The following ESCO2 variants were observed in gnomAD, a reference collection of about 807,000 sequenced individuals.
The protein encoded by ESCO2 is N-acetyltransferase ESCO2.
A neutral mutation model predicts 61.7 loss-of-function variants in ESCO2; 51 were observed. The ratio of observed to expected loss-of-function variants is 0.83; its 90% CI spans 0.66 to 1.04. The LOEUF is 1.04. ESCO2 is among the 50% of genes least tolerant of loss of function. The pLI is 0.00. For synonymous variants in ESCO2, 230 were observed against 238.2 expected (o/e 0.97, Z 0.32); for missense variants, 692 against 686.2 (o/e 1.01, Z -0.09).
intron 4 of ESCO2, among the ~76,000 whole-genome samples, chr8:27,783,495 A>C (rs1401954061): frequency 1.3e-5 from 2 of 152,130 alleles, no homozygotes; most frequent in Admixed American, 1.3e-4. Flanking sequence ...TTTTTTATAA[A>C]TATATTATGC....
chr8:27,802,630 A>AATATATAT (rs1222665973), intron 10 of ESCO2, among the ~76,000 whole-genome samples: 2 of 45,822 alleles, frequency 4.4e-5, no homozygotes, highest in East Asian at 2.1e-3. Context: ...AAAAAAAAAA[A>AATATATAT]ATATATATAT....
At chr8:27,802,607 CA>C (rs1188348304) in intron 10 of ESCO2, among the ~76,000 whole-genome samples, 53 of 29,088 alleles carry the variant, frequency 1.8e-3, no homozygotes, top group Non-Finnish European at 3.1e-3. Flanking sequence ...GACTCTGTCT[CA>C]AAAAAAAAAA....
At chr8:27,780,947 AT>A (rs1405547904) in intron 4 of ESCO2, among the ~76,000 whole-genome samples, 1 of 152,206 alleles carries the variant, frequency 6.6e-6, no homozygotes, top group Non-Finnish European at 1.5e-5. Flanking sequence ...AGTATACGTT[AT>A]GTTTTTCATA....
At chr8:27,789,183 G>A (rs1315051489) in intron 7 of ESCO2, among the ~76,000 whole-genome samples, 1 of 152,130 alleles carries the variant, frequency 6.6e-6, no homozygotes, top group Admixed American at 6.5e-5. Flanking sequence ...TTCAGAGACT[G>A]CAGAGATACT....
At chr8:27,797,566 T>G (rs183969152) in intron 9 of ESCO2, among the ~76,000 whole-genome samples, 5 of 152,222 alleles carry the variant, frequency 3.3e-5, no homozygotes, top group African/African-American at 1.2e-4. Context: ...AAGTAATTAT[T>G]GATAAATAAG....
downstream of ESCO2, among the ~76,000 whole-genome samples, chr8:27,806,452 C>T (rs940540387): frequency 1.1e-4 from 16 of 151,964 alleles, no homozygotes; most frequent in African/African-American, 2.9e-4. Context: ...TTTTTTTCTT[C>T]GGTCTATTAT....
Position 27,800,760 on chromosome 8 carries a change from C to G in ESCO2, c.1673+1044C>G, listed in dbSNP as rs185737167. ...ACAATAATAACAATGGGATGTTATT[C>G]AGCCATAAAGGAAATTCTGGCACAC... On this transcript the variant is annotated intron_variant, in intron 10 of 10. Transcript: ENST00000305188. Among the ~76,000 whole-genome samples the G allele has an allele frequency of 2.1e-3, 320 of 152,300 alleles. 6 individuals carry two copies. Among genetic ancestry groups the G allele is most frequent in the Admixed American group, 0.019 (288 of 15,298 alleles).
chr8:27,806,003 A>G (rs1261533901), downstream of ESCO2, among the ~76,000 whole-genome samples: 2 of 152,162 alleles, frequency 1.3e-5, no homozygotes, highest in African/African-American at 4.8e-5. Flanking sequence ...CATTCTAGGG[A>G]TAGGGCAATG....
At position 27,780,278 on chromosome 8, in the gene ESCO2, A is replaced by C; in HGVS notation, c.955+11A>C. On this transcript the variant is annotated intron_variant, in intron 4 of 10. Transcript: ENST00000305188. ...GTGAGAATAAGACAAGTAAGAGAAA[A>C]CTCGCATGAATTTAGCTGCTTAAAA... 2 of 1,520,016 alleles carry C rather than the reference A, an allele frequency of 1.3e-6. No homozygotes were observed. The highest frequency in any genetic ancestry group is 1.8e-6 in the Non-Finnish European group (2 of 1,094,784). The allele number at this position is 1,520,016 out of a possible 1,614,324, so 94.2% of individuals were successfully genotyped here.
chr8:27,806,566 A>G (rs1395412204), downstream of ESCO2, among the ~76,000 whole-genome samples: 4 of 152,006 alleles, frequency 2.6e-5, no homozygotes, highest in African/African-American at 9.7e-5. Flanking sequence ...TGTCAGATCT[A>G]TAGATCAATT....
Position 27,777,069 on chromosome 8 carries a change from CT to C in ESCO2, c.765del (p.Phe255LeufsTer12). The C allele has an allele frequency of 6.2e-7, 1 of 1,605,580 alleles. No individual in the cohort carries two copies. The highest frequency in any genetic ancestry group is 8.5e-7 in the Non-Finnish European group (1 of 1,178,078). ...GTAGAGACTGTCAGTGAAAAAAAAACTTTTGCGACAAGGCAAGTGCCAAAGT... is the reference window on the plus strand; with the variant it reads ...GTAGAGACTGTCAGTGAAAAAAAAACTTTGCGACAAGGCAAGTGCCAAAGT... ...SDVETVSEKK[T>X]FATRQVPKCL... is the part of the protein sequence containing the mutation. On this transcript the variant is annotated frameshift_variant, in exon 3 of 11. Transcript: ENST00000305188. LOFTEE classifies it high-confidence loss of function.
Position 27,805,264 on chromosome 8 carries a change from G to C in ESCO2, c.*1826G>C, listed in dbSNP as rs1805538133. On this transcript the variant is annotated 3_prime_UTR_variant, in exon 11 of 11. Transcript: ENST00000305188. ...CCACTGCAGTCCGCAGTCCGGCCTGGGCGACAGAGCGAGACTCCGTCTCAA... is the reference window on the plus strand; with the variant it reads ...CCACTGCAGTCCGCAGTCCGGCCTGCGCGACAGAGCGAGACTCCGTCTCAA... 1 of 82,948 alleles carries C rather than the reference G, an allele frequency of 1.2e-5. No homozygotes were observed. The highest frequency in any genetic ancestry group is 0.011 in the Middle Eastern group (1 of 92). The allele number at this position is 82,948 out of a possible 1,614,324, so 5.1% of individuals were successfully genotyped here. A position where few individuals can be genotyped will look rare whatever the true frequency, so the allele number is the denominator to read the frequency against.
chr8:27,783,682 C>G (rs1023473594), intron 4 of ESCO2, among the ~76,000 whole-genome samples: 1 of 152,136 alleles, frequency 6.6e-6, no homozygotes, highest in African/African-American at 2.4e-5. Flanking sequence ...TTAGGCGATC[C>G]TCCCACTTTT....
At chr8:27,772,617 G>A (rs868528431), upstream of ESCO2, 8 of 1,460,964 alleles carry the variant, frequency 5.5e-6, no homozygotes, top group South Asian at 4.9e-5. Context: ...CCAGACTCGC[G>A]GCGGCCGCCT....
At chr8:27,799,411 A>G in intron 9 of ESCO2, 130 bp from the exon 10 acceptor site, 1 of 986,236 alleles carries the variant, frequency 1.0e-6, no homozygotes, top group Non-Finnish European at 1.6e-6. Context: ...AATTTAAGAA[A>G]TAGAAAATAT....
chr8:27,805,041 G>A lies in ESCO2; in HGVS notation c.*1603G>A. 1.6e-5 allele frequency: 2 copies of A among 121,608 alleles called. 1 individual carries two copies. The highest frequency in any genetic ancestry group is 9.7e-4 in the East Asian group (2 of 2,060). 7.5% of individuals were successfully genotyped at this position (121,608 alleles called of 1,614,324 possible). A position where few individuals can be genotyped will look rare whatever the true frequency, so the allele number is the denominator to read the frequency against. On this transcript the variant is annotated 3_prime_UTR_variant, in exon 11 of 11. Transcript: ENST00000305188. ...CTCACGCCTGTAATCCCAGCACTTT[G>A]GGAGGCCGAGGCGGGTGGATCATGA...
chr8:27,803,784 C>G lies in ESCO2; in HGVS notation c.*346C>G. On this transcript the variant is annotated 3_prime_UTR_variant, in exon 11 of 11. Transcript: ENST00000305188. ...AGTGATTTTTCTCTAGAAATGTGAC[C>G]TGGTCTTTTATAAAGCCCACTCTTA... is the stretch of plus-strand genomic sequence containing the variant. 1 of 1,038,478 alleles carries G rather than the reference C, an allele frequency of 9.6e-7. No individual in the cohort carries two copies. The highest frequency in any genetic ancestry group is 1.2e-6 in the Non-Finnish European group (1 of 864,576). The allele number at this position is 1,038,478 out of a possible 1,614,324, so 64.3% of individuals were successfully genotyped here.
chr8:27,778,804 G>A (rs1037991276), intron 3 of ESCO2: 1 of 152,168 alleles, frequency 6.6e-6, no homozygotes, highest in African/African-American at 2.4e-5. Context: ...AGTAGTTTGG[G>A]AAGCTGGGCT....
rs1323250879 is a variant in ESCO2 at position 27,802,659 on chromosome 8, T to C, written c.1674-647T>C. On this transcript the variant is annotated intron_variant, in intron 10 of 10. Transcript: ENST00000305188. The stretch of plus-strand genomic sequence containing the variant: ...TATATATATATATATATATATATTA[T>C]ATATATATATATATAGTTACTGCTT... Among the ~76,000 whole-genome samples, 597 of 109,588 alleles carry C rather than the reference T, an allele frequency of 5.4e-3. 13 individuals carry two copies. The highest frequency in any genetic ancestry group is 0.021 in the African/African-American group (566 of 27,152). 71.9% of individuals were successfully genotyped at this position (109,588 alleles called of 152,430 possible). A position where few individuals can be genotyped will look rare whatever the true frequency, so the allele number is the denominator to read the frequency against.
Sources: allele counts gnomAD v4.1 joint callset (sites outside exome capture counted in the v4.1 genomes callset), GRCh38; gene constraint gnomAD v4.1.1; transcripts MANE v1.5; gene names NCBI Gene and HGNC (gene_info 2026-07-23, HGNC 2026-07-21).